The following ZNF184 variants were observed in gnomAD, a reference collection of about 807,000 sequenced individuals.
The protein encoded by ZNF184 is zinc finger protein 184, also known as zinc finger protein 184 (Kruppel-like).
A neutral mutation model predicts 54.4 loss-of-function variants in ZNF184; 16 were observed. That is an observed-to-expected ratio of 0.29 (90% CI 0.20 to 0.45). The LOEUF (loss-of-function observed/expected upper bound fraction) is 0.45, where lower values mean the gene tolerates loss of function less well. ZNF184 is among the 20% of genes least tolerant of loss of function. The pLI is 1.00. For missense variants in ZNF184, 681 were observed against 888.2 expected, an observed-to-expected ratio of 0.77 and a Z score of 2.97; for synonymous variants, 254 against 295.3, an observed-to-expected ratio of 0.86 and a Z score of 1.43.
the ZNF184 span, among the ~76,000 whole-genome samples, chr6:27,407,418 G>T: frequency 6.6e-6 from 1 of 152,158 alleles, no homozygotes; most frequent in Non-Finnish European, 1.5e-5. Flanking sequence ...GGCACGAGCT[G>T]GTTCCCGGCT....
In ZNF184 at chr6:27,453,026, G is replaced by T; in HGVS notation, c.533C>A (p.Pro178His). 1 of 1,614,052 alleles carries T rather than the reference G, an allele frequency of 6.2e-7. No individual in the cohort carries two copies. The highest frequency in any genetic ancestry group is 8.5e-7 in the Non-Finnish European group (1 of 1,179,984). The change falls in exon 6 of 6, where the codon CCT becomes CAT. Residue 178 changes from proline to histidine, a missense_variant. Physicochemically the swap from Pro to His is moderately conservative, Grantham distance 77. Coordinates refer to ENST00000683788, the MANE Select transcript of ZNF184 (RefSeq NM_001318891.2). The surrounding 1 kb of genome is among the most constrained non-coding windows in gnomAD (Gnocchi z 4.7). ...ACTTTTCCCAAATTCATTATTTACA[G>T]GGCCTTTTTCCCAACTGGGTATTGT... is the stretch of plus-strand genomic sequence containing the variant. ...EKTIPSWEKG[P>H]VNNEFGKSVN...
At chr6:27,433,259 C>A in the ZNF184 span, among the ~76,000 whole-genome samples, 1 of 152,226 alleles carries the variant, frequency 6.6e-6, no homozygotes. Context: ...ACCTCAGAGG[C>A]TTTCTTGACA....
intron 3 of ZNF184, among the ~76,000 whole-genome samples, chr6:27,458,567 C>T (rs1762922327): frequency 7.3e-6 from 1 of 137,706 alleles, no homozygotes. Flanking sequence ...TCATCTCACC[C>T]CAGTTAGTCA....
chr6:27,455,899 G>T (rs1195409564), intron 5 of ZNF184, among the ~76,000 whole-genome samples: 1 of 152,144 alleles, frequency 6.6e-6, no homozygotes, highest in African/African-American at 2.4e-5. Context: ...ACTTCATGCA[G>T]TTTGGAAACT....
chr6:27,442,644 C>A, the ZNF184 span, among the ~76,000 whole-genome samples: 1 of 137,352 alleles, frequency 7.3e-6, no homozygotes, highest in Non-Finnish European at 1.5e-5. Context: ...CACTAGGAAG[C>A]AAGCAAGAAA....
the ZNF184 span, chr6:27,407,874 G>A: frequency 2.4e-6 from 2 of 820,260 alleles, no homozygotes; most frequent in Admixed American, 1.7e-5. Context: ...GAAAGGGAGT[G>A]AACAGGCACC....
rs190162625 is a variant in ZNF184, at chr6:27,462,489, C to T, written c.76-5080G>A. Among the ~76,000 whole-genome samples the T allele has an allele frequency of 5.8e-4, 87 of 150,800 alleles. 1 individual carries two copies. The East Asian group carries it at 0.011, about 19-fold the overall frequency. On this transcript the variant is annotated intron_variant, in intron 3 of 5. Transcript: ENST00000683788. ...CTGGGATTACGGGTGTGAGCCACTGCGCCTGGCCAAGAATATTTTATATGA... is the reference window on the plus strand; with the variant it reads ...CTGGGATTACGGGTGTGAGCCACTGTGCCTGGCCAAGAATATTTTATATGA...
At chr6:27,423,354 CAA>C in the ZNF184 span, among the ~76,000 whole-genome samples, 3 of 152,246 alleles carry the variant, frequency 2.0e-5, no homozygotes, top group East Asian at 3.9e-4. Context: ...CTTTTTCTAA[CAA>C]AGTGATAATT....
At chr6:27,441,445 G>A in the ZNF184 span, among the ~76,000 whole-genome samples, 1 of 152,054 alleles carries the variant, frequency 6.6e-6, no homozygotes, top group Non-Finnish European at 1.5e-5. Context: ...AAACTCCTGG[G>A]CCCAAGCAAT....
At chr6:27,422,212 G>GAAAGAAAGAAAGAAAGAAAGAAAGA in the ZNF184 span, among the ~76,000 whole-genome samples, 1 of 112,048 alleles carries the variant, frequency 8.9e-6, no homozygotes, top group African/African-American at 3.3e-5. Context: ...AAGAAAGAAA[G>GAAAGAAAGAAAGAAAGAAAGAAAGA]AAAGAAAAGA....
the ZNF184 span, among the ~76,000 whole-genome samples, chr6:27,427,201 C>A: frequency 6.8e-6 from 1 of 146,338 alleles, no homozygotes; most frequent in Non-Finnish European, 1.5e-5. Context: ...GAAGGATGAA[C>A]AAAATAATTA....
chr6:27,466,573 T>C (rs1165412117), intron 3 of ZNF184, among the ~76,000 whole-genome samples: 1 of 152,164 alleles, frequency 6.6e-6, no homozygotes, highest in Non-Finnish European at 1.5e-5. Context: ...ATATTTTCAC[T>C]CTCTTGCTTG....
intron 3 of ZNF184, among the ~76,000 whole-genome samples, chr6:27,460,441 G>T (rs1468110809): frequency 6.6e-6 from 1 of 152,182 alleles, no homozygotes; most frequent in African/African-American, 2.4e-5. Flanking sequence ...TCTGAAACAA[G>T]TGTTTTCATA....
chr6:27,410,706 A>G, the ZNF184 span, among the ~76,000 whole-genome samples: 2 of 151,988 alleles, frequency 1.3e-5, no homozygotes. Flanking sequence ...TAATTTTTGT[A>G]TTTTTAGTAG....
rs967582945 is a variant in ZNF184, at chr6:27,453,979, G to A, written c.299-719C>T. On this transcript the variant is annotated intron_variant, in intron 5 of 5. Transcript: ENST00000683788. This position sits in a 1 kb window ranked among gnomAD's most constrained non-coding sequence, Gnocchi z 4.7. ...AGAAATATATGTGAAAAAGAGCAGA[G>A]GCAGAGGGAAGATCCTTGAGAATAG... 8.5e-5 allele frequency among the ~76,000 whole-genome samples: 13 copies of A among 152,128 alleles called. No individual in the cohort carries two copies. Among genetic ancestry groups the A allele is most frequent in the Admixed American group, 6.6e-5 (1 of 15,264 alleles).
chr6:27,462,419 C>T (rs999472678), intron 3 of ZNF184, among the ~76,000 whole-genome samples: 6 of 151,866 alleles, frequency 4.0e-5, no homozygotes, highest in African/African-American at 7.2e-5. Flanking sequence ...AGAATGATCT[C>T]GATCTGCTGA....
the ZNF184 span, among the ~76,000 whole-genome samples, chr6:27,425,569 A>G: frequency 6.6e-6 from 1 of 152,248 alleles, no homozygotes; most frequent in African/African-American, 2.4e-5. Flanking sequence ...ATGTTAGTGA[A>G]GGATACACAG....
At chr6:27,456,948 A>C in intron 4 of ZNF184, 27 bp from the exon 5 acceptor site, 1 of 1,577,102 alleles carries the variant, frequency 6.3e-7, no homozygotes, top group Non-Finnish European at 8.7e-7. Context: ...AAAAGAAAGA[A>C]ACCTGCAGTA....
chr6:27,458,972 T>C (rs1330257279), intron 3 of ZNF184, among the ~76,000 whole-genome samples: 1 of 152,182 alleles, frequency 6.6e-6, no homozygotes, highest in African/African-American at 2.4e-5. Context: ...AAGTGAAATA[T>C]GCCAGGCACA....
Sources: gnomAD v4.1 joint callset for allele counts (sites outside exome capture counted in the v4.1 genomes callset) on GRCh38, gnomAD v4.1.1 for gene constraint, Gnocchi (gnomAD v3.1) non-coding constraint, MANE v1.5 for transcripts, NCBI Gene and HGNC (gene_info 2026-07-23, HGNC 2026-07-21) for gene names.